The following DNAH1 variants were observed in gnomAD, a reference collection of about 807,000 sequenced individuals.
DNAH1 encodes axonemal beta dynein heavy chain 1.
Under a neutral mutation model 484.3 loss-of-function variants are expected in DNAH1, and 327 were observed. That is an observed-to-expected ratio of 0.68 (90% CI 0.62 to 0.74). The LOEUF (loss-of-function observed/expected upper bound fraction) is 0.74, where lower values mean the gene tolerates loss of function less well. DNAH1 is among the 30% of genes least tolerant of loss of function. DNAH1 has a pLI of 0.00. For missense variants in DNAH1, 5,052 were observed against 5,546.8 expected (o/e 0.91, Z 2.83); for synonymous variants, 2,192 against 2,191.9 (o/e 1.00, Z 0.00).
chr3:52,317,095 G>A (rs1245255589), intron 1 of DNAH1, among the ~76,000 whole-genome samples: 3 of 152,040 alleles, frequency 2.0e-5, no homozygotes, highest in Non-Finnish European at 4.4e-5. Context: ...TTACCTATAT[G>A]TATAATTTTT....
intron 46 of DNAH1, among the ~76,000 whole-genome samples, chr3:52,378,170 A>T (rs1703684406): frequency 2.6e-5 from 4 of 151,976 alleles, no homozygotes; most frequent in Admixed American, 2.6e-4. Context: ...TAAGCCCTCA[A>T]GGTCGGGGGT....
At chr3:52,311,953 A>G (rs1252850140), upstream of DNAH1, among the ~76,000 whole-genome samples, 1 of 151,978 alleles carries the variant, frequency 6.6e-6, no homozygotes, top group African/African-American at 2.4e-5. Context: ...CAGTGGCCCC[A>G]TTATCCTGCA....
intron 1 of DNAH1, among the ~76,000 whole-genome samples, chr3:52,320,316 G>A (rs1347738631): frequency 6.6e-6 from 1 of 152,234 alleles, no homozygotes; most frequent in Non-Finnish European, 1.5e-5. Flanking sequence ...CCTGTCCTGG[G>A]AGGCAGCTGG....
At position 52,331,158 on chromosome 3, in the gene DNAH1, G is replaced by A; in HGVS notation, c.882G>A (p.Lys294=). The change falls in exon 7 of 78, where the codon AAG becomes AAA. Residue 294 remains lysine, a synonymous_variant. Transcript: ENST00000420323. The part of the protein sequence containing the change: ...TDDFLGHEDP[K]SQKLKYKWCE... ...CTCCTCCTGTTTCAGAGGACCCCAA[G>A]AGTCAGAAGCTGAAGTACAAATGGT... is the stretch of plus-strand genomic sequence containing the variant. 1 of 1,594,524 alleles carries A rather than the reference G, an allele frequency of 6.3e-7. No individual in the cohort carries two copies. Among genetic ancestry groups the A allele is most frequent in the South Asian group, 1.1e-5 (1 of 87,782 alleles).
At chr3:52,373,654 A>G (rs920757832) in intron 44 of DNAH1, 11 of 1,406,544 alleles carry the variant, frequency 7.8e-6, no homozygotes, top group African/African-American at 1.4e-5. Context: ...TCCTTAAAAG[A>G]TGTTCCTCCT....
rs1455304939 is a variant in DNAH1 at position 52,397,701 on chromosome 3, T to C, written c.11788-6T>C. On this transcript the variant is annotated splice_region_variant and splice_polypyrimidine_tract_variant and intron_variant, in intron 73 of 77. Transcript: ENST00000420323. Reference sequence around the variant, plus strand: ...GGGGCTTCCATGTTGGCCTCCTCTCTCCTAGGGCTACCTCTCCTACATCAA... The same window carrying C: ...GGGGCTTCCATGTTGGCCTCCTCTCCCCTAGGGCTACCTCTCCTACATCAA... 6.3e-7 allele frequency: 1 copy of C among 1,599,060 alleles called. No homozygotes were observed. The highest frequency in any genetic ancestry group is 8.5e-7 in the Non-Finnish European group (1 of 1,172,594).
At chr3:52,349,580 C>T (rs930360887) in intron 14 of DNAH1, among the ~76,000 whole-genome samples, 160 bp downstream of exon 14, 1 of 152,222 alleles carries the variant, frequency 6.6e-6, no homozygotes, top group Non-Finnish European at 1.5e-5. Context: ...TGCCCCATCC[C>T]TGCCTGTCTG....
rs1455720124 is a variant in DNAH1 at position 52,353,800 on chromosome 3, G to A, written c.3480+167G>A. ...GCATTCTATTAAGTGAGTTAATAAT[G>A]CACATAAAATTCTTGACAGTGTCCA... On this transcript the variant is annotated intron_variant, in intron 20 of 77. Coordinates refer to ENST00000420323, the MANE Select transcript of DNAH1 (RefSeq NM_015512.5). The surrounding 1 kb of genome is among the most constrained non-coding windows in gnomAD (Gnocchi z 5.0). The A allele has an allele frequency of 6.6e-6, 6 of 911,246 alleles. No individual in the cohort carries two copies. The South Asian group carries it at 7.0e-5, about 11-fold the overall frequency. 56.4% of individuals were successfully genotyped at this position (911,246 alleles called of 1,614,324 possible). A position where few individuals can be genotyped will look rare whatever the true frequency, so the allele number is the denominator to read the frequency against.
rs948426069 is a variant in DNAH1 at position 52,395,494 on chromosome 3, T to C, written c.11127+28T>C. 3.7e-6 allele frequency: 6 copies of C among 1,613,042 alleles called. No individual in the cohort carries two copies. In the Middle Eastern group the frequency reaches 9.9e-4, roughly 266 times the overall value. ...CAGGGCTAGGCAGGGAGGAAGGGAG[T>C]GGGCTGGGGGGTGGGCAAGCTGGCC... On this transcript the variant is annotated intron_variant, in intron 69 of 77. Coordinates refer to ENST00000420323, the MANE Select transcript of DNAH1 (RefSeq NM_015512.5). This position sits in a 1 kb window ranked among gnomAD's most constrained non-coding sequence, Gnocchi z 4.4.
At chr3:52,323,094 G>A (rs2153222821) in intron 2 of DNAH1, among the ~76,000 whole-genome samples, 1 of 152,338 alleles carries the variant, frequency 6.6e-6, no homozygotes, top group East Asian at 1.9e-4. Context: ...TTGTGGGGCA[G>A]TGGCTTTGGT....
Position 52,382,452 on chromosome 3 carries a change from C to G in DNAH1, c.7938C>G (p.Thr2646=), listed in dbSNP as rs750767760. 2 of 1,613,662 alleles carry G rather than the reference C, an allele frequency of 1.2e-6. No homozygotes were observed. Among genetic ancestry groups the G allele is most frequent in the Non-Finnish European group, 1.7e-6 (2 of 1,179,664 alleles). The part of the protein sequence containing the change: ...NLPITFLFSD[T]QIKNESFLED... ...CCATCACCTTCCTCTTCTCAGACAC[C>G]CAGGTGCCACTGCCACAGCAGAGGG... Residue 2646 remains threonine (T), a synonymous_variant, in exon 50 of 78, where the codon ACC becomes ACG. Coordinates refer to ENST00000420323, the MANE Select transcript of DNAH1 (RefSeq NM_015512.5).
At chr3:52,331,527 C>T (rs1225681201) in intron 7 of DNAH1, among the ~76,000 whole-genome samples, 1 of 152,144 alleles carries the variant, frequency 6.6e-6, no homozygotes, top group Non-Finnish European at 1.5e-5. Context: ...GAGCCCAAGT[C>T]CCATCAATAA....
chr3:52,386,703 C>A lies in DNAH1; in HGVS notation c.8853C>A (p.Val2951=). The A allele has an allele frequency of 1.3e-6, 2 of 1,592,488 alleles. No homozygotes were observed. Among genetic ancestry groups the A allele is most frequent in the East Asian group, 2.3e-5 (1 of 43,806 alleles). ...MQRPPPGVKL[V]IEAVCIMKGI... Reference sequence around the variant, plus strand: ...GGCCACCCCCGGGTGTGAAACTGGTCATAGAAGCTGTGTGCATTATGAAAG... The same window carrying A: ...GGCCACCCCCGGGTGTGAAACTGGTAATAGAAGCTGTGTGCATTATGAAAG... Residue 2951 remains valine (V), a synonymous_variant, in exon 56 of 78, where the codon GTC becomes GTA. Transcript: ENST00000420323.
Position 52,375,414 on chromosome 3 carries a change from G to T in DNAH1, c.7159+1G>T, listed in dbSNP as rs1323303289. ...TCCACCATCCTGGGCAACTGGTTGG[G>T]TGAGTATTGGTGGGGGTGAGCATGG... On this transcript the variant is annotated splice_donor_variant, in intron 45 of 77. Transcript: ENST00000420323. LOFTEE classifies it high-confidence loss of function. 4 of 1,611,492 alleles carry T rather than the reference G, an allele frequency of 2.5e-6. No individual in the cohort carries two copies. The highest frequency in any genetic ancestry group is 1.3e-5 in the African/African-American group (1 of 74,912).
intron 15 of DNAH1, 97 bp from the exon 16 acceptor site, chr3:52,350,411 C>A: frequency 1.7e-6 from 2 of 1,192,988 alleles, no homozygotes; most frequent in South Asian, 2.6e-5. Flanking sequence ...TGAAAGAGAG[C>A]AGCCCCTCTC....
At chr3:52,376,071 C>A in intron 46 of DNAH1, 78 bp downstream of exon 46, 2 of 1,544,916 alleles carry the variant, frequency 1.3e-6, no homozygotes, top group Non-Finnish European at 8.8e-7. Flanking sequence ...GTTGAGGCTG[C>A]GACCAGGCGC....
rs2153224381 is a variant in DNAH1 at position 52,361,590 on chromosome 3, G to A, written c.4875-71G>A. ...TTCCTCCCAAGTGGAGTTGGAGGGGGCCCTCAGAGGGAGGTGCCCAGATTG... is the reference window on the plus strand; with the variant it reads ...TTCCTCCCAAGTGGAGTTGGAGGGGACCCTCAGAGGGAGGTGCCCAGATTG... On this transcript the variant is annotated intron_variant, in intron 29 of 77. Coordinates refer to ENST00000420323, the MANE Select transcript of DNAH1 (RefSeq NM_015512.5). This position sits in a 1 kb window ranked among gnomAD's most constrained non-coding sequence, Gnocchi z 5.6. 4 of 1,474,774 alleles carry A rather than the reference G, an allele frequency of 2.7e-6. No individual in the cohort carries two copies. The highest frequency in any genetic ancestry group is 2.5e-5 in the East Asian group (1 of 40,234). The allele number at this position is 1,474,774 out of a possible 1,614,324, so 91.4% of individuals were successfully genotyped here. A position where few individuals can be genotyped will look rare whatever the true frequency, so the allele number is the denominator to read the frequency against.
chr3:52,382,379 G>T lies in DNAH1; in HGVS notation c.7865G>T (p.Arg2622Leu), dbSNP rs200587980. ...AAGAACTACGGCATGTCCGAGTGGC[G>T]AGATGATGTGAAGAAGGTCCTGCTC... ...LSKNYGMSEW[R>L]DDVKKVLLKA... Residue 2622 changes from arginine (R) to leucine (L), a missense_variant, in exon 50 of 78, where the codon CGA becomes CTA. This residue lies in a region of DNAH1 where 2,929 missense variants were observed against 3,409.4 expected (regional missense o/e 0.86). Transcript: ENST00000420323. The T allele has an allele frequency of 6.2e-7, 1 of 1,613,886 alleles. No homozygotes were observed. The highest frequency in any genetic ancestry group is 8.5e-7 in the Non-Finnish European group (1 of 1,179,896).
intron 36 of DNAH1, 40 bp downstream of exon 36, chr3:52,366,927 C>T (rs1275680404): frequency 6.3e-7 from 1 of 1,580,762 alleles, no homozygotes; most frequent in East Asian, 2.3e-5. Flanking sequence ...CCCCTGCTCC[C>T]AGACCTCTGG....
Sources: allele counts gnomAD v4.1 joint callset (sites outside exome capture counted in the v4.1 genomes callset), GRCh38; gene constraint gnomAD v4.1.1; regional missense constraint gnomAD v4.1.1; non-coding constraint Gnocchi (gnomAD v3.1); transcripts MANE v1.5; gene names NCBI Gene and HGNC (gene_info 2026-07-23, HGNC 2026-07-21).